Variants in FBXL17 observed in about 807,000 individuals in gnomAD.
FBXL17 encodes F-box/LRR-repeat protein 17.
FBXL17 carries 22 observed loss-of-function variants against 66.2 expected under a neutral mutation model. That is an observed-to-expected ratio of 0.33 (90% CI 0.24 to 0.47). The LOEUF is 0.47. Among genes scored for constraint, FBXL17 ranks in the 20% least tolerant of loss-of-function variants. FBXL17 has a pLI of 1.00. For missense variants in FBXL17, 878 were observed against 948.2 expected (o/e 0.93, Z 0.97); for synonymous variants, 474 against 400.5 (o/e 1.18, Z -2.19).
intron 4 of FBXL17, chr5:108,298,204 A>G (rs907987148): frequency 2.2e-5 from 22 of 980,776 alleles, no homozygotes; most frequent in Non-Finnish European, 2.5e-5. Flanking sequence ...CATATGATAT[A>G]CAATGCCCCA....
chr5:108,018,655 T>G (rs976450106), intron 7 of FBXL17, among the ~76,000 whole-genome samples: 1 of 152,022 alleles, frequency 6.6e-6, no homozygotes, highest in Non-Finnish European at 1.5e-5. Flanking sequence ...GAAATCCTAA[T>G]GAAGAAGGAA....
intron 6 of FBXL17, among the ~76,000 whole-genome samples, chr5:108,021,567 A>C (rs528074917): frequency 1.3e-5 from 2 of 151,806 alleles, no homozygotes; most frequent in Admixed American, 1.3e-4. Context: ...TAATATTGTA[A>C]GTAATTTGTT....
At chr5:108,219,361 T>C (rs891316040) in intron 5 of FBXL17, among the ~76,000 whole-genome samples, 1 of 152,132 alleles carries the variant, frequency 6.6e-6, no homozygotes, top group African/African-American at 2.4e-5. Context: ...AAATTTTCCA[T>C]TTCATCTAAA....
At chr5:108,226,108 C>T (rs769163557) in intron 4 of FBXL17, among the ~76,000 whole-genome samples, 4 of 152,146 alleles carry the variant, frequency 2.6e-5, no homozygotes, top group African/African-American at 4.8e-5. Context: ...TAACACTTAT[C>T]ACTACTGATC....
chr5:108,140,678 C>T (rs973161411), intron 6 of FBXL17, among the ~76,000 whole-genome samples: 2 of 152,112 alleles, frequency 1.3e-5, no homozygotes, highest in Admixed American at 6.5e-5. Flanking sequence ...TTGACATATC[C>T]TGAATGCCTG....
chr5:108,271,598 T>G (rs1757268991), intron 4 of FBXL17, among the ~76,000 whole-genome samples: 1 of 152,208 alleles, frequency 6.6e-6, no homozygotes, highest in South Asian at 2.1e-4. Flanking sequence ...TACTGGTGGA[T>G]TAATACATGT....
chr5:108,044,431 T>C (rs1248894848), intron 6 of FBXL17, among the ~76,000 whole-genome samples: 1 of 152,194 alleles, frequency 6.6e-6, no homozygotes, highest in Non-Finnish European at 1.5e-5. Context: ...TTTTGACAAC[T>C]GATATGATCA....
chr5:108,196,953 A>C (rs1324473242), intron 5 of FBXL17, among the ~76,000 whole-genome samples: 1 of 152,124 alleles, frequency 6.6e-6, no homozygotes, highest in Admixed American at 6.6e-5. Flanking sequence ...AGTTCACCAA[A>C]ATTTTAATCA....
At chr5:108,274,191 G>A (rs1757390280) in intron 4 of FBXL17, among the ~76,000 whole-genome samples, 1 of 152,178 alleles carries the variant, frequency 6.6e-6, no homozygotes, top group Non-Finnish European at 1.5e-5. Context: ...TTTATTAGGT[G>A]TGAATTTCCT....
chr5:108,048,540 A>G (rs1747347731), intron 6 of FBXL17, among the ~76,000 whole-genome samples: 1 of 152,220 alleles, frequency 6.6e-6, no homozygotes, highest in East Asian at 1.9e-4. Flanking sequence ...AACCCAGTGC[A>G]AAGGAGCTAA....
At chr5:107,921,667 G>A (rs961619574) in intron 7 of FBXL17, among the ~76,000 whole-genome samples, 19 of 152,294 alleles carry the variant, frequency 1.2e-4, no homozygotes, top group Admixed American at 3.3e-4. Flanking sequence ...CTGGAAACCA[G>A]GAAGGGGCAG....
At chr5:108,168,193 A>C (rs1266784152) in intron 6 of FBXL17, among the ~76,000 whole-genome samples, 1 of 152,192 alleles carries the variant, frequency 6.6e-6, no homozygotes, top group Non-Finnish European at 1.5e-5. Flanking sequence ...AAAGTTGTTG[A>C]TTTTCCCACT....
intron 5 of FBXL17, among the ~76,000 whole-genome samples, chr5:108,213,251 G>A (rs1754454310): frequency 6.6e-6 from 1 of 152,188 alleles, no homozygotes; most frequent in Admixed American, 6.5e-5. Context: ...GACCCACCAA[G>A]CCAGACCACT....
chr5:108,343,567 A>T (rs1216036603), intron 4 of FBXL17, among the ~76,000 whole-genome samples: 1 of 152,244 alleles, frequency 6.6e-6, no homozygotes, highest in Non-Finnish European at 1.5e-5. Context: ...ATATTAACTC[A>T]TATATAAACC....
intron 4 of FBXL17, among the ~76,000 whole-genome samples, chr5:108,250,277 A>C (rs569700152): frequency 6.6e-6 from 1 of 152,266 alleles, no homozygotes; most frequent in South Asian, 2.1e-4. Context: ...GCTAATCTTC[A>C]AATACAGTTA....
At chr5:108,346,673 T>A (rs1271217217) in intron 4 of FBXL17, among the ~76,000 whole-genome samples, 1 of 152,128 alleles carries the variant, frequency 6.6e-6, no homozygotes, top group Admixed American at 6.6e-5. Context: ...AACTACTATG[T>A]TTTACATATC....
intron 4 of FBXL17, among the ~76,000 whole-genome samples, chr5:108,323,025 T>TAC (rs1260227781): frequency 1.3e-5 from 2 of 151,946 alleles, no homozygotes; most frequent in African/African-American, 4.8e-5. Flanking sequence ...CTAAAAGCTT[T>TAC]ACCTCTAATA....
Position 108,186,039 on chromosome 5 carries a change from A to G in FBXL17, c.1745+78T>C, listed in dbSNP as rs576767135. The G allele has an allele frequency of 2.5e-5, 29 of 1,169,894 alleles. No individual in the cohort carries two copies. The African/African-American group carries it at 4.1e-4, about 17-fold the overall frequency. The allele number at this position is 1,169,894 out of a possible 1,614,324, so 72.5% of individuals were successfully genotyped here. On this transcript the variant is annotated intron_variant, in intron 6 of 8. Transcript: ENST00000542267. ...CAGCTGTATTCAATTTTAGTTATAG[A>G]CATGCCTTGTTATAATAATTAATAT...
intron 7 of FBXL17, among the ~76,000 whole-genome samples, chr5:108,005,012 G>C (rs1296811928): frequency 2.0e-5 from 3 of 151,922 alleles, no homozygotes; most frequent in Admixed American, 1.3e-4. Context: ...ACTCTACGCT[G>C]GTTAGGGGAT....
Sources: gnomAD v4.1 joint callset for allele counts (sites outside exome capture counted in the v4.1 genomes callset) on GRCh38, gnomAD v4.1.1 for gene constraint, MANE v1.5 for transcripts, NCBI Gene and HGNC (gene_info 2026-07-23, HGNC 2026-07-21) for gene names.